Variants in SNX1 observed in about 807,000 individuals in gnomAD.
SNX1 encodes sorting nexin 1.
A neutral mutation model predicts 71.8 loss-of-function variants in SNX1; 36 were observed. That is an observed-to-expected ratio of 0.50 (90% CI 0.38 to 0.66). SNX1 has a LOEUF of 0.66. SNX1 is among the 30% of genes least tolerant of loss of function. SNX1 has a pLI of 0.00. For missense variants in SNX1, 612 were observed against 646.7 expected (o/e 0.95, Z 0.58); for synonymous variants, 254 against 240.7 (o/e 1.06, Z -0.51).
chr15:64,101,356 G>A (rs140607110), intron 1 of SNX1, among the ~76,000 whole-genome samples: 1 of 152,288 alleles, frequency 6.6e-6, no homozygotes, highest in East Asian at 1.9e-4. Context: ...ATAAGTTGGA[G>A]TCAAATAGTA....
In SNX1 at chr15:64,140,209, T is replaced by A. The variant is rs1247114751; in HGVS notation, c.*2591T>A. On this transcript the variant is annotated 3_prime_UTR_variant, in exon 15 of 15. Transcript: ENST00000559844. The stretch of plus-strand genomic sequence containing the variant: ...TTATTACTGTCATGATTGACCAACA[T>A]GATTTCCTAACTCCATAATGCCTTC... The A allele has an allele frequency of 6.6e-6, 1 of 152,404 alleles. No individual in the cohort carries two copies. The highest frequency in any genetic ancestry group is 1.9e-4 in the East Asian group (1 of 5,194). The allele number at this position is 152,404 out of a possible 1,614,324, so 9.4% of individuals were successfully genotyped here.
At chr15:64,135,819 G>A (rs1207476438) in intron 12 of SNX1, among the ~76,000 whole-genome samples, 1 of 151,910 alleles carries the variant, frequency 6.6e-6, no homozygotes, top group African/African-American at 2.4e-5. Flanking sequence ...CTACTCAGGA[G>A]GCTGAGGCAC....
intron 14 of SNX1, 90 bp downstream of exon 14, chr15:64,137,022 C>T: frequency 9.8e-7 from 1 of 1,020,820 alleles, no homozygotes; most frequent in Non-Finnish European, 1.5e-6. Context: ...ATGTGCAGGC[C>T]CTGCTTCTGA....
chr15:64,113,119 T>TAA (rs931652006), intron 2 of SNX1, among the ~76,000 whole-genome samples: 1 of 152,244 alleles, frequency 6.6e-6, no homozygotes, highest in Non-Finnish European at 1.5e-5. Context: ...GACTTGCCCT[T>TAA]ACTACTTCTA....
rs2081378325 is a variant in SNX1 at position 64,138,029 on chromosome 15, G to A, written c.*411G>A. The A allele has an allele frequency of 2.0e-6, 3 of 1,512,300 alleles. No homozygotes were observed. 93.7% of individuals were successfully genotyped at this position (1,512,300 alleles called of 1,614,324 possible). ...AGGTCACATGACTCAGAATGTTGGTGGTTTTTGCTTAGGCTGGGGAGCAGT... is the reference window on the plus strand; with the variant it reads ...AGGTCACATGACTCAGAATGTTGGTAGTTTTTGCTTAGGCTGGGGAGCAGT... On this transcript the variant is annotated 3_prime_UTR_variant, in exon 15 of 15. Coordinates refer to ENST00000559844, the MANE Select transcript of SNX1 (RefSeq NM_003099.5).
At chr15:64,117,615 C>A (rs747733431) in intron 2 of SNX1, among the ~76,000 whole-genome samples, 2 of 152,152 alleles carry the variant, frequency 1.3e-5, no homozygotes, top group Non-Finnish European at 2.9e-5. Context: ...TAAAGGAATA[C>A]TCCGAAGATT....
rs150496865 is a variant in SNX1 at position 64,127,251 on chromosome 15, A to C, written c.730A>C (p.Arg244=). Residue 244 remains arginine (R), a splice_region_variant and synonymous_variant, in exon 7 of 15, where the codon AGG becomes CGG. Transcript: ENST00000559844. ...FLEKRRAALE[R]YLQRIVNHPT... ...TGAAAAACGGAGGGCCGCTTTAGAA[A>C]GGTAAGTGCCATGCAGCCATTTTCC... is the stretch of plus-strand genomic sequence containing the variant. The C allele has an allele frequency of 4.5e-5, 73 of 1,611,134 alleles. No homozygotes were observed. The highest frequency in any genetic ancestry group is 6.0e-5 in the Non-Finnish European group (71 of 1,178,404).
At chr15:64,097,284 C>T (rs955422178) in intron 1 of SNX1, among the ~76,000 whole-genome samples, 3 of 152,154 alleles carry the variant, frequency 2.0e-5, no homozygotes, top group African/African-American at 4.8e-5. Flanking sequence ...CTTTGCCACT[C>T]GGGCGTGGGC....
intron 13 of SNX1, 24 bp downstream of exon 13, chr15:64,136,434 C>G (rs1252750772): frequency 1.3e-6 from 2 of 1,590,166 alleles, no homozygotes; most frequent in South Asian, 1.1e-5. Flanking sequence ...TCCTACTTCT[C>G]ACTTAGCATG....
rs1282919520 is a variant in SNX1, at chr15:64,138,545, A to G, written c.*927A>G. On this transcript the variant is annotated 3_prime_UTR_variant, in exon 15 of 15. Coordinates refer to ENST00000559844, the MANE Select transcript of SNX1 (RefSeq NM_003099.5). The stretch of plus-strand genomic sequence containing the variant: ...GACTTGATGCTTTGTCTCCATAGAC[A>G]TGAAAGCCATGCCCTCTGCCTCTAG... 5.5e-6 allele frequency: 1 copy of G among 181,150 alleles called. No individual in the cohort carries two copies. Among genetic ancestry groups the G allele is most frequent in the Non-Finnish European group, 1.2e-5 (1 of 86,308 alleles). The allele number at this position is 181,150 out of a possible 1,614,324, so 11.2% of individuals were successfully genotyped here.
intron 4 of SNX1, among the ~76,000 whole-genome samples, chr15:64,120,007 A>G (rs945122901): frequency 6.6e-6 from 1 of 152,098 alleles, no homozygotes; most frequent in Non-Finnish European, 1.5e-5. Context: ...AAAGCATAAC[A>G]CTTAACTTTG....
chr15:64,142,493 A>T lies in SNX1; in HGVS notation c.*4875A>T. On this transcript the variant is annotated 3_prime_UTR_variant, in exon 15 of 15. Transcript: ENST00000559844. ...CTATCAGAGCCATGTTTGGAAGAAA[A>T]TGGGGTCCAGAGCACAGGAAGGGGA... The T allele has an allele frequency of 2.9e-6, 1 of 344,168 alleles. No homozygotes were observed. The highest frequency in any genetic ancestry group is 5.8e-6 in the Non-Finnish European group (1 of 172,732). 21.3% of individuals were successfully genotyped at this position (344,168 alleles called of 1,614,324 possible).
At chr15:64,115,182 C>T (rs3784382) in intron 2 of SNX1, among the ~76,000 whole-genome samples, 109,672 of 152,088 alleles carry the variant, frequency 0.72, 40,207 homozygotes, top group East Asian at 0.81. Context: ...CATGAACATG[C>T]AGATCTTTAT....
rs533929798 is a variant in SNX1 at position 64,134,928 on chromosome 15, C to G, written c.1365+121C>G. ...AAGAGCGCTGATTGAGTCTAAAGGG[C>G]CGTGGCTGCTGAGGAAGCCTCTGAG... On this transcript the variant is annotated intron_variant, in intron 12 of 14. Transcript: ENST00000559844. The surrounding 1 kb of genome is among the most constrained non-coding windows in gnomAD (Gnocchi z 4.1). 1 of 1,314,156 alleles carries G rather than the reference C, an allele frequency of 7.6e-7. No individual in the cohort carries two copies. The highest frequency in any genetic ancestry group is 2.5e-5 in the East Asian group (1 of 39,276). 81.4% of individuals were successfully genotyped at this position (1,314,156 alleles called of 1,614,324 possible). A position where few individuals can be genotyped will look rare whatever the true frequency, so the allele number is the denominator to read the frequency against.
rs149511140 is a variant in SNX1, at chr15:64,100,559, C to T, written c.159+4387C>T. Among the ~76,000 whole-genome samples the T allele has an allele frequency of 1.3e-3, 185 of 140,020 alleles. 1 individual carries two copies. Among genetic ancestry groups the T allele is most frequent in the African/African-American group, 5.0e-3 (177 of 35,598 alleles). The allele number at this position is 140,020 out of a possible 152,430, so 91.9% of individuals were successfully genotyped here. On this transcript the variant is annotated intron_variant, in intron 1 of 14. Transcript: ENST00000559844. ...GTTGGAGGTTGCAGTGAGCCGAGAT[C>T]GTGCCAGGGCCCACCAGCCTGGGTA...
In SNX1 at chr15:64,134,734, G is replaced by A. The variant is rs561096025; in HGVS notation, c.1292G>A (p.Arg431Gln). Reference protein sequence around the residue: ...QDAQATLQKKREAEARLLWAN... With the variant: ...QDAQATLQKKQEAEARLLWAN... ...GCCCAAGCCACACTGCAGAAGAAGCGGGAGGCCGAGGCTCGGCTGCTGTGG... is the reference window on the plus strand; with the variant it reads ...GCCCAAGCCACACTGCAGAAGAAGCAGGAGGCCGAGGCTCGGCTGCTGTGG... The change falls in exon 12 of 15, where the codon CGG (arginine) becomes CAG (glutamine). Residue 431 changes from arginine (R) to glutamine (Q), a missense_variant. By Grantham distance (43) the Arg-to-Gln change is conservative. Coordinates refer to ENST00000559844, the MANE Select transcript of SNX1 (RefSeq NM_003099.5). The surrounding 1 kb of genome is among the most constrained non-coding windows in gnomAD (Gnocchi z 4.1). 1.1e-5 allele frequency: 17 copies of A among 1,613,982 alleles called. No individual in the cohort carries two copies. In the East Asian group the frequency reaches 1.1e-4, roughly 11 times the overall value.
In SNX1 at chr15:64,137,554, C is replaced by T; in HGVS notation, c.1519-14C>T. ...AGGTGGGGGCACTTGCTTAATGTCC[C>T]CACTTCTTTGCAGCTGGCAAAGTAC... On this transcript the variant is annotated splice_polypyrimidine_tract_variant and intron_variant, in intron 14 of 14. Coordinates refer to ENST00000559844, the MANE Select transcript of SNX1 (RefSeq NM_003099.5). The T allele has an allele frequency of 6.2e-7, 1 of 1,614,106 alleles. No individual in the cohort carries two copies. Among genetic ancestry groups the T allele is most frequent in the Non-Finnish European group, 8.5e-7 (1 of 1,179,980 alleles).
At chr15:64,120,357 G>A (rs2081184598) in intron 4 of SNX1, among the ~76,000 whole-genome samples, 1 of 142,206 alleles carries the variant, frequency 7.0e-6, no homozygotes, top group South Asian at 2.2e-4. Context: ...CTGCAGCCTC[G>A]ACTTCCCCAG....
At chr15:64,130,897 A>G (rs943776368) in intron 10 of SNX1, among the ~76,000 whole-genome samples, 2 of 152,266 alleles carry the variant, frequency 1.3e-5, no homozygotes, top group Non-Finnish European at 2.9e-5. Context: ...TCCTATTGCC[A>G]TGAGCTACAA....
Sources: allele counts gnomAD v4.1 joint callset (sites outside exome capture counted in the v4.1 genomes callset), GRCh38; gene constraint gnomAD v4.1.1; non-coding constraint Gnocchi (gnomAD v3.1); transcripts MANE v1.5; gene names NCBI Gene and HGNC (gene_info 2026-07-23, HGNC 2026-07-21).